WNT2B: variants seen among roughly 807,000 people sequenced by gnomAD.
The protein encoded by WNT2B is Wnt family member 2B.
A neutral mutation model predicts 40.5 loss-of-function variants in WNT2B; 19 were observed. That is an observed-to-expected ratio of 0.47 (90% CI 0.33 to 0.69). WNT2B has a LOEUF of 0.69. Ranked by LOEUF, WNT2B falls within the 30% of genes least tolerant of loss-of-function variation. The pLI is 0.02. For missense variants in WNT2B, 467 were observed against 556.4 expected, an observed-to-expected ratio of 0.84 and a Z score of 1.62; for synonymous variants, 220 against 211.9, an observed-to-expected ratio of 1.04 and a Z score of -0.33.
chr1:112,485,741 G>A (rs893718115), intron 1 of WNT2B, among the ~76,000 whole-genome samples: 5 of 151,958 alleles, frequency 3.3e-5, no homozygotes, highest in African/African-American at 7.3e-5. Context: ...ATATATTTTC[G>A]ACCTAAATGT....
chr1:112,522,691 T>G lies in WNT2B; in HGVS notation c.*2182T>G, dbSNP rs926262822. On this transcript the variant is annotated 3_prime_UTR_variant, in exon 5 of 5. Coordinates refer to ENST00000369684, the MANE Select transcript of WNT2B (RefSeq NM_024494.3). Reference sequence around the variant, plus strand: ...GAGACCTGTGTGGGAGAGTTTAGGGTGGTTTTTCTTTTGGTGAGGGGATTT... The same window carrying G: ...GAGACCTGTGTGGGAGAGTTTAGGGGGGTTTTTCTTTTGGTGAGGGGATTT... 3.3e-5 allele frequency: 5 copies of G among 152,190 alleles called. No homozygotes were observed. The highest frequency in any genetic ancestry group is 5.9e-5 in the Non-Finnish European group (4 of 68,132). 9.4% of individuals were successfully genotyped at this position (152,190 alleles called of 1,614,324 possible). A position where few individuals can be genotyped will look rare whatever the true frequency, so the allele number is the denominator to read the frequency against.
At chr1:112,502,603 C>T (rs1651994496) in intron 1 of WNT2B, among the ~76,000 whole-genome samples, 1 of 152,182 alleles carries the variant, frequency 6.6e-6, no homozygotes, top group South Asian at 2.1e-4. Flanking sequence ...CTGCTTTCCC[C>T]GCCCTCCCCC....
rs192894584 is a variant in WNT2B at position 112,529,899 on chromosome 1, T to G, written c.*9390T>G. The G allele has an allele frequency of 4.6e-5, 7 of 152,302 alleles. No individual in the cohort carries two copies. In the East Asian group the frequency reaches 1.3e-3, roughly 29 times the overall value. The allele number at this position is 152,302 out of a possible 1,614,324, so 9.4% of individuals were successfully genotyped here. A position where few individuals can be genotyped will look rare whatever the true frequency, so the allele number is the denominator to read the frequency against. ...AATGTTAGCAGACACAGTTGCTAGT[T>G]TGAACAGGAATGCAGATGAATGGAT... On this transcript the variant is annotated 3_prime_UTR_variant, in exon 5 of 5. Coordinates refer to ENST00000369684, the MANE Select transcript of WNT2B (RefSeq NM_024494.3).
chr1:112,513,044 C>G (rs1216044208), intron 1 of WNT2B, among the ~76,000 whole-genome samples: 1 of 152,098 alleles, frequency 6.6e-6, no homozygotes, highest in African/African-American at 2.4e-5. Flanking sequence ...TTTGGCCTGC[C>G]CCACTCCAGA....
chr1:112,476,460 A>G (rs1442088750), intron 1 of WNT2B, among the ~76,000 whole-genome samples: 2 of 152,164 alleles, frequency 1.3e-5, no homozygotes, highest in African/African-American at 4.8e-5. Flanking sequence ...ATACCAACCA[A>G]AATAGCTCTG....
upstream of WNT2B, among the ~76,000 whole-genome samples, chr1:112,507,212 C>T (rs1250581364): frequency 6.6e-6 from 1 of 152,136 alleles, no homozygotes; most frequent in Non-Finnish European, 1.5e-5. Flanking sequence ...CTTGACTGTG[C>T]TCTCTTTACC....
In WNT2B at chr1:112,509,038, C is replaced by T; in HGVS notation, c.-225C>T. 1 of 1,355,122 alleles carries T rather than the reference C, an allele frequency of 7.4e-7. No individual in the cohort carries two copies. Among genetic ancestry groups the T allele is most frequent in the Non-Finnish European group, 9.4e-7 (1 of 1,063,360 alleles). The allele number at this position is 1,355,122 out of a possible 1,614,324, so 83.9% of individuals were successfully genotyped here. ...GCACCCGGTCCTCAGGCAGCGCGCC[C>T]CAGACCCCGGGTTCGGCACGCCGTC... On this transcript the variant is annotated 5_prime_UTR_variant, in exon 1 of 5. Transcript: ENST00000369684. The surrounding 1 kb of genome is among the most constrained non-coding windows in gnomAD (Gnocchi z 4.2).
intron 1 of WNT2B, among the ~76,000 whole-genome samples, chr1:112,484,846 G>A (rs1570769435): frequency 6.6e-6 from 1 of 151,986 alleles, no homozygotes; most frequent in East Asian, 1.9e-4. Flanking sequence ...AAAGATATCT[G>A]ACAGGAGATG....
rs182061048 is a variant in WNT2B at position 112,515,317 on chromosome 1, G to A, written c.403+223G>A. Among the ~76,000 whole-genome samples, 3 of 152,304 alleles carry A rather than the reference G, an allele frequency of 2.0e-5. No individual in the cohort carries two copies. The highest frequency in any genetic ancestry group is 2.9e-5 in the Non-Finnish European group (2 of 68,026). ...TCTTAGTGCTCTGGGACAAGACCAAGGTAAAGCATTCCCTAGAACCTCCAT... is the reference window on the plus strand; with the variant it reads ...TCTTAGTGCTCTGGGACAAGACCAAAGTAAAGCATTCCCTAGAACCTCCAT... On this transcript the variant is annotated intron_variant, in intron 2 of 4. Coordinates refer to ENST00000369684, the MANE Select transcript of WNT2B (RefSeq NM_024494.3). This position sits in a 1 kb window ranked among gnomAD's most constrained non-coding sequence, Gnocchi z 4.4.
intron 1 of WNT2B, among the ~76,000 whole-genome samples, chr1:112,491,626 C>A (rs1048842368): frequency 6.6e-6 from 1 of 152,158 alleles, no homozygotes; most frequent in Non-Finnish European, 1.5e-5. Context: ...TGGCTCATAC[C>A]TGTAATCCCA....
chr1:112,517,249 T>G lies in WNT2B; in HGVS notation c.810T>G (p.Asp270Glu). 1 of 1,614,214 alleles carries G rather than the reference T, an allele frequency of 6.2e-7. No individual in the cohort carries two copies. Among genetic ancestry groups the G allele is most frequent in the Non-Finnish European group, 8.5e-7 (1 of 1,180,042 alleles). The change falls in exon 4 of 5, where the codon GAT becomes GAG. Residue 270 changes from aspartate (D) to glutamate (E), a missense_variant. By Grantham distance (45) the Asp-to-Glu change is conservative. This residue lies in a region of WNT2B where 330 missense variants were observed against 438.6 expected (regional missense o/e 0.75). Transcript: ENST00000369684. ...RTGDYLRRRYDGAVQVMATQD... is the reference protein window; with the variant it reads ...RTGDYLRRRYEGAVQVMATQD... ...GTGATTACCTGCGGCGACGCTATGATGGGGCTGTGCAGGTGATGGCCACCC... is the reference window on the plus strand; with the variant it reads ...GTGATTACCTGCGGCGACGCTATGAGGGGGCTGTGCAGGTGATGGCCACCC...
chr1:112,475,091 G>T (rs1351529119), intron 1 of WNT2B, among the ~76,000 whole-genome samples: 21 of 152,110 alleles, frequency 1.4e-4, no homozygotes. Flanking sequence ...CCAGTCTCAG[G>T]TACTTCTGTA....
upstream of WNT2B, among the ~76,000 whole-genome samples, chr1:112,505,757 C>A (rs1461916196): frequency 1.3e-5 from 2 of 152,208 alleles, no homozygotes; most frequent in African/African-American, 4.8e-5. Flanking sequence ...GCAGCTCTTG[C>A]AGTCAGCTGG....
intron 1 of WNT2B, among the ~76,000 whole-genome samples, chr1:112,513,250 C>T (rs924166909): frequency 2.0e-5 from 3 of 152,236 alleles, no homozygotes; most frequent in Non-Finnish European, 4.4e-5. Flanking sequence ...AGCACCACAG[C>T]AGTGGGTGTA....
Position 112,521,311 on chromosome 1 carries a change from C to CTTTTTTTTTTTTTTT in WNT2B, c.*808_*822dup, listed in dbSNP as rs5777124. 3.7e-3 allele frequency: 453 copies of CTTTTTTTTTTTTTTT among 121,934 alleles called. No individual in the cohort carries two copies. Among genetic ancestry groups the CTTTTTTTTTTTTTTT allele is most frequent in the Non-Finnish European group, 4.8e-3 (290 of 59,926 alleles). 7.6% of individuals were successfully genotyped at this position (121,934 alleles called of 1,614,324 possible). ...TAAGTCTGGCTAGGCCTTGTGTTGCCTTTTTTTTTTTTTTTTTTTTCTTTT... is the reference window on the plus strand; with the variant it reads ...TAAGTCTGGCTAGGCCTTGTGTTGCCTTTTTTTTTTTTTTTTTTTTTTTTTTTTTTTTTTTCTTTT... On this transcript the variant is annotated 3_prime_UTR_variant, in exon 5 of 5. Coordinates refer to ENST00000369684, the MANE Select transcript of WNT2B (RefSeq NM_024494.3).
Position 112,517,376 on chromosome 1 carries a change from A to C in WNT2B, c.937A>C (p.Lys313Gln). The C allele has an allele frequency of 6.2e-7, 1 of 1,603,938 alleles. No homozygotes were observed. The highest frequency in any genetic ancestry group is 8.5e-7 in the Non-Finnish European group (1 of 1,171,784). Residue 313 changes from lysine (K) to glutamine (Q), a missense_variant, in exon 4 of 5, where the codon AAG becomes CAG. Around this residue, in one of 2 missense-constraint regions of WNT2B, gnomAD observed 330 missense variants for 438.6 expected, o/e 0.75. Coordinates refer to ENST00000369684, the MANE Select transcript of WNT2B (RefSeq NM_024494.3). ...CTCTCCAGATTACTGTGTCTTGGAC[A>C]AGGCTGCAGGTGAGTAAGGAAGGCA... ...DNSPDYCVLD[K>Q]AAGSLGTAGR...
chr1:112,472,753 T>A (rs1200494872), intron 1 of WNT2B, among the ~76,000 whole-genome samples: 5 of 152,020 alleles, frequency 3.3e-5, no homozygotes, highest in African/African-American at 4.8e-5. Flanking sequence ...AACTCAATCC[T>A]TGAAAATTAC....
At chr1:112,508,852 G>C (rs534722569), upstream of WNT2B, 1 of 1,002,076 alleles carries the variant, frequency 1.0e-6, no homozygotes, top group South Asian at 4.7e-5. This position sits in a 1 kb window ranked among gnomAD's most constrained non-coding sequence, Gnocchi z 4.2. Context: ...CTAGGGCGTC[G>C]CGGAGCGCCC....
chr1:112,516,605 C>T (rs752490222), intron 3 of WNT2B, among the ~76,000 whole-genome samples, 188 bp downstream of exon 3: 9 of 152,030 alleles, frequency 5.9e-5, no homozygotes, highest in South Asian at 2.1e-4. Context: ...CAATCAGGTG[C>T]GTGAAGAGTC....
Sources: gnomAD v4.1 joint callset for allele counts (sites outside exome capture counted in the v4.1 genomes callset) on GRCh38, gnomAD v4.1.1 for gene constraint, gnomAD v4.1.1 regional missense constraint, Gnocchi (gnomAD v3.1) non-coding constraint, MANE v1.5 for transcripts, NCBI Gene and HGNC (gene_info 2026-07-23, HGNC 2026-07-21) for gene names.